Variants in FHIT observed in about 807,000 individuals in gnomAD.
The protein encoded by FHIT is bis(5'-adenosyl)-triphosphatase.
FHIT carries 19 observed loss-of-function variants against 17.9 expected under a neutral mutation model. The ratio of observed to expected loss-of-function variants is 1.06; its 90% CI spans 0.74 to 1.56. The LOEUF is 1.56. Ranked by LOEUF, FHIT falls within the 40% of genes most tolerant of loss-of-function variation. The pLI is 0.00. For synonymous variants in FHIT, 81 were observed against 69.7 expected, an observed-to-expected ratio of 1.16 and a Z score of -0.81; for missense variants, 248 against 189.2, an observed-to-expected ratio of 1.31 and a Z score of -1.82.
At chr3:60,897,679 T>A (rs1179126549) in intron 3 of FHIT, among the ~76,000 whole-genome samples, 2 of 152,196 alleles carry the variant, frequency 1.3e-5, no homozygotes, top group Admixed American at 6.5e-5. Flanking sequence ...CAAAACTGCA[T>A]GACCTTTATT....
At chr3:60,548,900 C>G (rs557716322) in intron 4 of FHIT, among the ~76,000 whole-genome samples, 1 of 152,326 alleles carries the variant, frequency 6.6e-6, no homozygotes, top group South Asian at 2.1e-4. Flanking sequence ...GCTAACCCAT[C>G]ACGGGGATTT....
At chr3:60,021,923 A>G (rs905412369) in intron 5 of FHIT, among the ~76,000 whole-genome samples, 1 of 152,232 alleles carries the variant, frequency 6.6e-6, no homozygotes, top group African/African-American at 2.4e-5. Flanking sequence ...GAAGATTGAG[A>G]AACACTGCAT....
chr3:60,506,697 C>G (rs868368006), intron 5 of FHIT, among the ~76,000 whole-genome samples: 1 of 152,114 alleles, frequency 6.6e-6, no homozygotes, highest in Non-Finnish European at 1.5e-5. Context: ...ACCTCCTGCC[C>G]TCTACCATAG....
intron 5 of FHIT, among the ~76,000 whole-genome samples, chr3:60,447,683 C>T (rs576944591): frequency 1.3e-5 from 2 of 152,222 alleles, no homozygotes; most frequent in South Asian, 4.1e-4. Flanking sequence ...TCACAAGACA[C>T]CCACTAGTAA....
At chr3:60,271,656 C>T (rs1384556220) in intron 5 of FHIT, among the ~76,000 whole-genome samples, 2 of 152,138 alleles carry the variant, frequency 1.3e-5, no homozygotes, top group Non-Finnish European at 2.9e-5. Context: ...ATCTGCTTTC[C>T]ATTACCATGA....
Position 59,953,640 on chromosome 3 carries a change from G to A in FHIT, c.280-31226C>T, listed in dbSNP as rs3772457. ...TATTGAGCTGCCATAGATAAATTAAGTACTGTGCTCGGCCTCCCACTCAGC... is the reference window on the plus strand; with the variant it reads ...TATTGAGCTGCCATAGATAAATTAAATACTGTGCTCGGCCTCCCACTCAGC... On this transcript the variant is annotated intron_variant, in intron 7 of 9. Transcript: ENST00000492590. 4.6e-5 allele frequency among the ~76,000 whole-genome samples: 7 copies of A among 152,256 alleles called. No individual in the cohort carries two copies. In the East Asian group the frequency reaches 1.4e-3, roughly 29 times the overall value.
At chr3:61,059,372 CTTTTTTTTTT>C (rs201797361) in intron 2 of FHIT, among the ~76,000 whole-genome samples, 5 of 113,280 alleles carry the variant, frequency 4.4e-5, no homozygotes, top group Admixed American at 9.4e-5. Flanking sequence ...TTGCTTTTTC[CTTTTTTTTTT>C]TTTTTTTTTT....
At chr3:59,752,394 G>T in intron 8 of FHIT, 73 bp from the exon 9 acceptor site, 1 of 1,183,120 alleles carries the variant, frequency 8.5e-7, no homozygotes, top group East Asian at 2.5e-5. Flanking sequence ...TCGGGGGGCT[G>T]GGGGAGACTG....
At chr3:60,540,469 A>G (rs976684174) in intron 4 of FHIT, among the ~76,000 whole-genome samples, 6 of 152,116 alleles carry the variant, frequency 3.9e-5, no homozygotes, top group African/African-American at 1.4e-4. Context: ...TGAGCCCTCA[A>G]CCTGTGGAAT....
intron 5 of FHIT, among the ~76,000 whole-genome samples, chr3:60,489,734 C>G (rs1483771872): frequency 6.6e-6 from 1 of 152,172 alleles, no homozygotes; most frequent in Non-Finnish European, 1.5e-5. Context: ...TTGGGGATCT[C>G]TGCCTAGGTT....
intron 5 of FHIT, among the ~76,000 whole-genome samples, chr3:60,043,055 A>C (rs1348545621): frequency 6.6e-6 from 1 of 152,190 alleles, no homozygotes; most frequent in Non-Finnish European, 1.5e-5. Context: ...CAGCCTTTTC[A>C]ACCTGGGGGA....
chr3:61,062,769 A>C (rs1431123753), intron 2 of FHIT, among the ~76,000 whole-genome samples: 1 of 152,290 alleles, frequency 6.6e-6, no homozygotes, highest in South Asian at 2.1e-4. Context: ...ATCTGATTCT[A>C]TCTCTTAAAG....
intron 7 of FHIT, among the ~76,000 whole-genome samples, chr3:59,942,600 A>G (rs1037497969): frequency 6.6e-6 from 1 of 152,128 alleles, no homozygotes; most frequent in African/African-American, 2.4e-5. Context: ...AAGACTCCAC[A>G]TGATTCATCC....
At chr3:59,996,201 C>T (rs950172522) in intron 7 of FHIT, among the ~76,000 whole-genome samples, 1 of 152,040 alleles carries the variant, frequency 6.6e-6, no homozygotes, top group Non-Finnish European at 1.5e-5. Flanking sequence ...TATTATTATT[C>T]CAATTTTGCA....
chr3:59,812,130 T>A (rs1439357637), intron 8 of FHIT, among the ~76,000 whole-genome samples: 3 of 152,132 alleles, frequency 2.0e-5, no homozygotes, highest in Non-Finnish European at 4.4e-5. Flanking sequence ...TGGCATCTAG[T>A]GAGCAGAGAC....
At chr3:60,612,327 T>A (rs72887691) in intron 4 of FHIT, among the ~76,000 whole-genome samples, 4 of 152,172 alleles carry the variant, frequency 2.6e-5, no homozygotes, top group African/African-American at 9.7e-5. Flanking sequence ...GATATACATA[T>A]ATGAATCATC....
chr3:60,396,707 C>T (rs1247799050), intron 5 of FHIT, among the ~76,000 whole-genome samples: 1 of 152,074 alleles, frequency 6.6e-6, no homozygotes, highest in East Asian at 1.9e-4. Flanking sequence ...TGTTTTGGAA[C>T]TATATAAAGG....
At chr3:60,759,215 T>C (rs554785757) in intron 4 of FHIT, among the ~76,000 whole-genome samples, 20 of 152,238 alleles carry the variant, frequency 1.3e-4, no homozygotes, top group South Asian at 2.1e-4. Flanking sequence ...GTGATAGGAA[T>C]TGATTTAGGT....
Position 61,201,933 on chromosome 3 carries a change from CATATATGTGTGTGTATGTGTGTAT to C in FHIT, c.-212-1292_-212-1269del, listed in dbSNP as rs547224215. On this transcript the variant is annotated intron_variant, in intron 1 of 9. Coordinates refer to ENST00000492590, the MANE Select transcript of FHIT (RefSeq NM_002012.4). Reference sequence around the variant, plus strand: ...CAAAATACAATAATGACTTAAAATACATATATGTGTGTGTATGTGTGTATATATATGTGTGTGTATGTATATACA... The same window carrying C: ...CAAAATACAATAATGACTTAAAATACATATATGTGTGTGTATGTATATACA... Among the ~76,000 whole-genome samples the C allele has an allele frequency of 7.8e-3, 1,191 of 152,090 alleles. 19 individuals are homozygous for C. The highest frequency in any genetic ancestry group is 0.027 in the African/African-American group (1,121 of 41,458).
Sources: allele counts gnomAD v4.1 joint callset (sites outside exome capture counted in the v4.1 genomes callset), GRCh38; gene constraint gnomAD v4.1.1; transcripts MANE v1.5; gene names NCBI Gene and HGNC (gene_info 2026-07-23, HGNC 2026-07-21).